The following EPS15L1 variants were observed in gnomAD, a reference collection of about 807,000 sequenced individuals.
EPS15L1 encodes the protein epidermal growth factor receptor pathway substrate 15 like 1, also known as epidermal growth factor receptor substrate 15-like 1.
In EPS15L1, 43 loss-of-function variants were observed where a neutral mutation model predicts 117.1. The observed-to-expected ratio is 0.37, with a 90% CI of 0.29 to 0.47. The LOEUF (loss-of-function observed/expected upper bound fraction) is 0.47. EPS15L1 is among the 20% of genes least tolerant of loss of function. The pLI is 0.99. For synonymous variants in EPS15L1, 459 were observed against 470.5 expected (o/e 0.98, Z 0.32); for missense variants, 981 against 1,164.0 (o/e 0.84, Z 2.29).
In EPS15L1 at chr19:16,400,356, CA is replaced by C. The variant is rs377693014; in HGVS notation, c.1791+1964del. Among the ~76,000 whole-genome samples the C allele has an allele frequency of 6.9e-3, 843 of 122,902 alleles. 3 individuals are homozygous for C. Among genetic ancestry groups the C allele is most frequent in the Non-Finnish European group, 0.01 (596 of 56,886 alleles). The allele number at this position is 122,902 out of a possible 152,430, so 80.6% of individuals were successfully genotyped here. A position where few individuals can be genotyped will look rare whatever the true frequency, so the allele number is the denominator to read the frequency against. ...CGTCTCAAAAAAAAAAAAACAAAAA[CA>C]AAAAAAAAAAAAAACCCCTGACTTT... On this transcript the variant is annotated intron_variant, in intron 16 of 23. Transcript: ENST00000455140.
chr19:16,376,561 C>A (rs569722623), intron 22 of EPS15L1, among the ~76,000 whole-genome samples: 3 of 152,290 alleles, frequency 2.0e-5, no homozygotes, highest in Admixed American at 6.5e-5. Flanking sequence ...CAGAGGGGAG[C>A]CCCGAGCCAT....
chr19:16,432,290 T>C (rs1418111831), intron 7 of EPS15L1, among the ~76,000 whole-genome samples: 1 of 151,688 alleles, frequency 6.6e-6, no homozygotes, highest in Non-Finnish European at 1.5e-5. Context: ...AAAAATTGGC[T>C]GGGCATGGTG....
chr19:16,397,000 G>A (rs1396026411), intron 16 of EPS15L1, among the ~76,000 whole-genome samples: 1 of 152,168 alleles, frequency 6.6e-6, no homozygotes, highest in African/African-American at 2.4e-5. Context: ...TCTAGAGCTG[G>A]GTTCCACAAC....
At chr19:16,400,572 A>G (rs1245196556) in intron 16 of EPS15L1, 1 of 896,202 alleles carries the variant, frequency 1.1e-6, no homozygotes, top group Non-Finnish European at 1.3e-6. Context: ...TGAAGTGTTC[A>G]GGAGTAAACA....
rs147765247 is a variant in EPS15L1, at chr19:16,471,224, G to C, written c.33+689C>G. Among the ~76,000 whole-genome samples, 1 of 152,344 alleles carries C rather than the reference G, an allele frequency of 6.6e-6. No individual in the cohort carries two copies. The highest frequency in any genetic ancestry group is 1.5e-5 in the Non-Finnish European group (1 of 68,042). On this transcript the variant is annotated intron_variant, in intron 1 of 23. Coordinates refer to ENST00000455140, the MANE Select transcript of EPS15L1 (RefSeq NM_001258374.3). The surrounding 1 kb of genome is among the most constrained non-coding windows in gnomAD (Gnocchi z 4.8). ...TGTCTGGAAGAATGCAGCGCTCCCA[G>C]CACCTGACCCAACGCACATTTGAGG...
chr19:16,386,874 C>T (rs1038806867), intron 19 of EPS15L1, among the ~76,000 whole-genome samples: 2 of 152,182 alleles, frequency 1.3e-5, no homozygotes, highest in Non-Finnish European at 2.9e-5. Context: ...AAGTTAACTG[C>T]CTGCTGAAAC....
At chr19:16,417,469 G>T in intron 12 of EPS15L1, 83 bp downstream of exon 12, 1 of 1,199,044 alleles carries the variant, frequency 8.3e-7, no homozygotes, top group Non-Finnish European at 1.2e-6. Context: ...AAACTTCCAG[G>T]TGAGCCTCTG....
chr19:16,441,197 G>A (rs925108446), intron 3 of EPS15L1: 16 of 458,954 alleles, frequency 3.5e-5, no homozygotes, highest in Non-Finnish European at 5.2e-5. Flanking sequence ...GTGGCCAAGC[G>A]CGGTGGTTCA....
intron 10 of EPS15L1, among the ~76,000 whole-genome samples, chr19:16,418,460 G>T (rs1211881536): frequency 1.3e-5 from 2 of 152,232 alleles, no homozygotes; most frequent in Non-Finnish European, 2.9e-5. Flanking sequence ...GCATGGAGTA[G>T]ACCAGCCCTT....
chr19:16,432,358 G>C (rs992557301), intron 7 of EPS15L1, among the ~76,000 whole-genome samples: 3 of 152,142 alleles, frequency 2.0e-5, no homozygotes, highest in African/African-American at 7.2e-5. Context: ...AATGAGGTCA[G>C]GAGATCGAGA....
intron 22 of EPS15L1, among the ~76,000 whole-genome samples, chr19:16,362,511 C>CTTTTTTTT (rs71178690): frequency 3.6e-5 from 2 of 56,068 alleles, no homozygotes; most frequent in Non-Finnish European, 7.3e-5. Flanking sequence ...GGTTTAAGTT[C>CTTTTTTTT]TTTTTTTTTT....
chr19:16,417,712 G>T, intron 11 of EPS15L1, 75 bp from the exon 12 acceptor site: 1 of 1,332,730 alleles, frequency 7.5e-7, no homozygotes, highest in Non-Finnish European at 1.1e-6. Context: ...AGCAGTTCTC[G>T]GGCCCAGGGA....
chr19:16,377,007 C>T, intron 22 of EPS15L1, 115 bp downstream of exon 22: 1 of 1,350,712 alleles, frequency 7.4e-7, no homozygotes, highest in South Asian at 1.5e-5. Context: ...CTCTTGCTCC[C>T]CACACAGGGT....
rs1291634852 is a variant in EPS15L1 at position 16,461,540 on chromosome 19, T to C, written c.33+10373A>G. On this transcript the variant is annotated intron_variant, in intron 1 of 23. Coordinates refer to ENST00000455140, the MANE Select transcript of EPS15L1 (RefSeq NM_001258374.3). ...GGAGGGCTGAGGCTGGAAAATCACT[T>C]GAACCCAAGAGGCAAAGGTTGCGGT... Among the ~76,000 whole-genome samples, 3 of 150,596 alleles carry C rather than the reference T, an allele frequency of 2.0e-5. No individual in the cohort carries two copies. In the Admixed American group the frequency reaches 2.0e-4, roughly 10 times the overall value.
intron 22 of EPS15L1, among the ~76,000 whole-genome samples, chr19:16,375,109 G>A (rs1599541228): frequency 6.6e-6 from 1 of 152,244 alleles, no homozygotes; most frequent in Non-Finnish European, 1.5e-5. Flanking sequence ...GTACTGACAA[G>A]AGAATATGCA....
chr19:16,445,121 A>C (rs2093070704), intron 1 of EPS15L1, among the ~76,000 whole-genome samples: 1 of 152,174 alleles, frequency 6.6e-6, no homozygotes, highest in South Asian at 2.1e-4. Flanking sequence ...TGAGGCATGC[A>C]GGGTTATTAA....
chr19:16,401,153 A>G (rs533444395), intron 16 of EPS15L1: 1 of 985,422 alleles, frequency 1.0e-6, no homozygotes, highest in South Asian at 4.7e-5. Context: ...CCACCTCATT[A>G]CGAGTCCACG....
At position 16,389,087 on chromosome 19, in the gene EPS15L1, G is replaced by A. The variant is rs532134751; in HGVS notation, c.2104-2856C>T. The stretch of plus-strand genomic sequence containing the variant: ...TGGCCAACATGGTGAAACTCCATCT[G>A]CATTAAAAATACAAAAATTAACCAG... On this transcript the variant is annotated intron_variant, in intron 19 of 23. Coordinates refer to ENST00000455140, the MANE Select transcript of EPS15L1 (RefSeq NM_001258374.3). 6.0e-5 allele frequency among the ~76,000 whole-genome samples: 9 copies of A among 150,942 alleles called. No individual in the cohort carries two copies. In the South Asian group the frequency reaches 1.9e-3, roughly 32 times the overall value.
At position 16,369,676 on chromosome 19, in the gene EPS15L1, A is replaced by AGTGTGTGTGTGTGTGTGTGTGTGTGT. The variant is rs10543332; in HGVS notation, c.2380+7420_2380+7445dup. Among the ~76,000 whole-genome samples the AGTGTGTGTGTGTGTGTGTGTGTGTGT allele has an allele frequency of 3.0e-3, 437 of 146,124 alleles. 1 individual carries two copies. Among genetic ancestry groups the AGTGTGTGTGTGTGTGTGTGTGTGTGT allele is most frequent in the Middle Eastern group, 0.021 (6 of 284 alleles). ...CTGCACCAGCCCTGGAAGAAAAAAA[A>AGTGTGTGTGTGTGTGTGTGTGTGTGT]GTGTGTGTGTGTGTGTGTGTGTGTG... On this transcript the variant is annotated intron_variant, in intron 22 of 23. Transcript: ENST00000455140.
Sources: allele counts gnomAD v4.1 joint callset (sites outside exome capture counted in the v4.1 genomes callset), GRCh38; gene constraint gnomAD v4.1.1; non-coding constraint Gnocchi (gnomAD v3.1); transcripts MANE v1.5; gene names NCBI Gene and HGNC (gene_info 2026-07-23, HGNC 2026-07-21).